Variants in RBFOX2 observed in about 807,000 individuals in gnomAD.
The protein encoded by RBFOX2 is RNA binding protein fox-1 homolog 2.
RBFOX2 carries 10 observed loss-of-function variants against 49.1 expected under a neutral mutation model. That is an observed-to-expected ratio of 0.20 (90% confidence interval 0.13 to 0.35). The LOEUF (loss-of-function observed/expected upper bound fraction) is 0.35, where lower values mean the gene tolerates loss of function less well. Among genes scored for constraint, RBFOX2 ranks in the 10% least tolerant of loss-of-function variants. RBFOX2 has a pLI of 1.00. For missense variants in RBFOX2, 323 were observed against 486.9 expected, an observed-to-expected ratio of 0.66 and a Z score of 3.17; for synonymous variants, 183 against 187.4, an observed-to-expected ratio of 0.98 and a Z score of 0.19.
chr22:35,768,435 A>C, intron 4 of RBFOX2, 86 bp from the exon 6 acceptor site: 1 of 1,200,656 alleles, frequency 8.3e-7, no homozygotes, highest in Non-Finnish European at 1.2e-6. Flanking sequence ...AAAATATCAT[A>C]GTATGAAACT....
chr22:35,914,151 C>A (rs2050142716), intron 1 of RBFOX2, among the ~76,000 whole-genome samples: 1 of 152,158 alleles, frequency 6.6e-6, no homozygotes, highest in Non-Finnish European at 1.5e-5. Context: ...GGCATTAGAG[C>A]CAGATGGGCC....
At chr22:35,777,974 C>CAT in intron 4 of RBFOX2, 51 bp downstream of exon 5, 3 of 1,509,110 alleles carry the variant, frequency 2.0e-6, no homozygotes, top group Non-Finnish European at 2.7e-6. Flanking sequence ...TTTAAAATAA[C>CAT]ATAAAACTCA....
intron 1 of RBFOX2, among the ~76,000 whole-genome samples, chr22:35,910,992 T>A (rs2049752218): frequency 6.6e-6 from 1 of 152,186 alleles, no homozygotes. Context: ...TTAGTAAATA[T>A]AATAGTCCCC....
chr22:35,829,487 G>A (rs917888598), intron 1 of RBFOX2, among the ~76,000 whole-genome samples: 1 of 151,862 alleles, frequency 6.6e-6, no homozygotes, highest in East Asian at 1.9e-4. Flanking sequence ...CCACTGGATT[G>A]GATTAATGGC....
rs1438255262 is a variant in RBFOX2, at chr22:35,775,475, T to C, written c.453+2550A>G. Among the ~76,000 whole-genome samples, 6 of 152,116 alleles carry C rather than the reference T, an allele frequency of 3.9e-5. No homozygotes were observed. In the South Asian group the frequency reaches 1.2e-3, roughly 32 times the overall value. On this transcript the variant is annotated intron_variant, in intron 4 of 11. Transcript: ENST00000405409. Reference sequence around the variant, plus strand: ...GAAGCAGCCTATGCTTTTAGATTTCTCAAAGAGAAAGCTCATGTCATTACT... The same window carrying C: ...GAAGCAGCCTATGCTTTTAGATTTCCCAAAGAGAAAGCTCATGTCATTACT...
upstream of RBFOX2, among the ~76,000 whole-genome samples, chr22:35,963,119 C>T (rs548221745): frequency 1.3e-5 from 1 of 76,058 alleles, no homozygotes; most frequent in Non-Finnish European, 2.6e-5. Flanking sequence ...AGTATAATAA[C>T]AGTCATCTAC....
At chr22:35,939,203 C>G, upstream of RBFOX2, 1 of 546,288 alleles carries the variant, frequency 1.8e-6, no homozygotes. Context: ...GAGTTAATTC[C>G]TAACTTCATC....
chr22:35,818,948 T>C (rs780483969), intron 1 of RBFOX2, among the ~76,000 whole-genome samples: 2 of 152,214 alleles, frequency 1.3e-5, no homozygotes, highest in Non-Finnish European at 2.9e-5. Context: ...AAAATTCACA[T>C]GATATACATA....
In RBFOX2 at chr22:35,754,596, A is replaced by G. The variant is rs545677068; in HGVS notation, c.887+5292T>C. Among the ~76,000 whole-genome samples the G allele has an allele frequency of 5.3e-5, 8 of 152,342 alleles. No homozygotes were observed. The South Asian group carries it at 1.7e-3, about 32-fold the overall frequency. On this transcript the variant is annotated intron_variant, in intron 9 of 11. Transcript: ENST00000405409. ...TATGGACACTAATGTATATGGGAGA[A>G]TGTACATGCTAACATCATATGTAAG... is the stretch of plus-strand genomic sequence containing the variant.
intron 1 of RBFOX2, among the ~76,000 whole-genome samples, chr22:35,902,254 A>G (rs1463863154): frequency 6.6e-6 from 1 of 151,774 alleles, no homozygotes. Flanking sequence ...TCCATTATCT[A>G]CCCACTCCGG....
chr22:35,920,127 C>A (rs956142868), intron 1 of RBFOX2, among the ~76,000 whole-genome samples: 1 of 152,228 alleles, frequency 6.6e-6, no homozygotes, highest in Non-Finnish European at 1.5e-5. Context: ...TGGTTCCAAT[C>A]AAAGCATTTG....
intron 1 of RBFOX2, among the ~76,000 whole-genome samples, chr22:35,932,692 C>A (rs2052569076): frequency 6.6e-6 from 1 of 152,144 alleles, no homozygotes; most frequent in African/African-American, 2.4e-5. Context: ...ATCAGCCTGG[C>A]CAACATGGCA....
chr22:36,012,749 A>T (rs1466576031), intron 1 of RBFOX2, among the ~76,000 whole-genome samples: 3 of 152,034 alleles, frequency 2.0e-5, no homozygotes, highest in Non-Finnish European at 4.4e-5. Context: ...TTTTCAACAA[A>T]CATTTATCAG....
intron 1 of RBFOX2, among the ~76,000 whole-genome samples, chr22:35,862,378 G>A (rs1024827598): frequency 4.1e-5 from 5 of 123,392 alleles, no homozygotes; most frequent in Non-Finnish European, 8.7e-5. Context: ...TTTCTTTGGA[G>A]GGGGGGGGGA....
chr22:35,936,548 A>G (rs1445865600), intron 1 of RBFOX2, among the ~76,000 whole-genome samples: 1 of 152,186 alleles, frequency 6.6e-6, no homozygotes, highest in Non-Finnish European at 1.5e-5. Context: ...ACACTCTAAG[A>G]TCTCTAATTC....
chr22:35,904,044 C>T (rs1267020651), intron 1 of RBFOX2, among the ~76,000 whole-genome samples: 5 of 152,186 alleles, frequency 3.3e-5, no homozygotes, highest in South Asian at 2.1e-4. Flanking sequence ...CTCTCAATCA[C>T]TATTCTAAAG....
At chr22:35,872,265 A>G (rs1445133236) in intron 1 of RBFOX2, among the ~76,000 whole-genome samples, 1 of 152,044 alleles carries the variant, frequency 6.6e-6, no homozygotes, top group Non-Finnish European at 1.5e-5. Context: ...GAGTATATAG[A>G]CGGGCAGGCT....
At chr22:35,948,177 T>C (rs1229090207) in intron 1 of RBFOX2, among the ~76,000 whole-genome samples, 4 of 152,220 alleles carry the variant, frequency 2.6e-5, no homozygotes, top group Admixed American at 1.3e-4. Flanking sequence ...TATAGTCACA[T>C]GCTGTACAGA....
At position 35,804,683 on chromosome 22, in the gene RBFOX2, C is replaced by G. The variant is rs554577521; in HGVS notation, c.252+5097G>C. The stretch of plus-strand genomic sequence containing the variant: ...AACAAAACTATCATTCAAAACTGAA[C>G]ACATAAAAAAACAACATTCCCAGAT... On this transcript the variant is annotated intron_variant, in intron 2 of 11. Coordinates refer to ENST00000405409, the Ensembl canonical transcript of RBFOX2. Among the ~76,000 whole-genome samples the G allele has an allele frequency of 3.9e-5, 6 of 151,998 alleles. No individual in the cohort carries two copies. The East Asian group carries it at 1.2e-3, about 29-fold the overall frequency.
Sources: gnomAD v4.1 joint callset for allele counts (sites outside exome capture counted in the v4.1 genomes callset) on GRCh38, gnomAD v4.1.1 for gene constraint, MANE v1.5 for transcripts, NCBI Gene and HGNC (gene_info 2026-07-23, HGNC 2026-07-21) for gene names.